Variants in IK observed in about 807,000 individuals in gnomAD.
The protein encoded by IK is protein Red.
Under a neutral mutation model 90.9 loss-of-function variants are expected in IK, and 47 were observed. The observed-to-expected ratio is 0.52, with a 90% CI of 0.41 to 0.66. The LOEUF is 0.66. IK is among the 30% of genes least tolerant of loss of function. The probability of loss-of-function intolerance (pLI) is 0.00; values close to 1 mark genes in which losing one functional copy is unlikely to be tolerated. For missense variants in IK, 385 were observed against 709.3 expected (o/e 0.54, Z 5.19); for synonymous variants, 201 against 227.5 (o/e 0.88, Z 1.05).
At chr5:140,654,858 C>A (rs1757680020) in intron 8 of IK, 131 bp downstream of exon 8, 1 of 693,060 alleles carries the variant, frequency 1.4e-6, no homozygotes, top group African/African-American at 1.8e-5. Flanking sequence ...GACAGTGTCT[C>A]ACTTAATCGC....
rs572003148 is a variant in IK at position 140,660,859 on chromosome 5, T to C, written c.1413+44T>C. On this transcript the variant is annotated intron_variant, in intron 16 of 19. Transcript: ENST00000417647. ...GGTGGGCGCCTTTGGGCAGTTATTA[T>C]TTGTTTTACATGTATCTCCTTCCCC... 4.9e-5 allele frequency: 72 copies of C among 1,481,522 alleles called. No individual in the cohort carries two copies. The South Asian group carries it at 7.5e-4, about 15-fold the overall frequency. 91.8% of individuals were successfully genotyped at this position (1,481,522 alleles called of 1,614,324 possible).
At position 140,661,582 on chromosome 5, in the gene IK, C is replaced by A. The variant is rs760171425; in HGVS notation, c.1414-38C>A. Reference sequence around the variant, plus strand: ...GCTGAAATTCCATTTCCACTGACATCTCTTCCTTCCCCATCCCCCGATTCT... The same window carrying A: ...GCTGAAATTCCATTTCCACTGACATATCTTCCTTCCCCATCCCCCGATTCT... On this transcript the variant is annotated intron_variant, in intron 16 of 19. Coordinates refer to ENST00000417647, the MANE Select transcript of IK (RefSeq NM_006083.4). This position sits in a 1 kb window ranked among gnomAD's most constrained non-coding sequence, Gnocchi z 4.2. The A allele has an allele frequency of 1.4e-6, 2 of 1,426,314 alleles. No homozygotes were observed. The highest frequency in any genetic ancestry group is 2.8e-5 in the African/African-American group (2 of 70,900). The allele number at this position is 1,426,314 out of a possible 1,614,324, so 88.4% of individuals were successfully genotyped here.
chr5:140,659,474 G>C, intron 13 of IK, 141 bp downstream of exon 13: 2 of 907,688 alleles, frequency 2.2e-6, no homozygotes, highest in East Asian at 2.5e-5. Flanking sequence ...TATTGAATAG[G>C]TGGAGTTCCC....
chr5:140,662,374 C>T lies in IK; in HGVS notation c.*45C>T, dbSNP rs775159531. On this transcript the variant is annotated 3_prime_UTR_variant, in exon 20 of 20. Coordinates refer to ENST00000417647, the MANE Select transcript of IK (RefSeq NM_006083.4). ...ATGCTCCACAAGGATATGCTCCCCACTGTTTTCTTTCTACAATTTCCAAAG... is the reference window on the plus strand; with the variant it reads ...ATGCTCCACAAGGATATGCTCCCCATTGTTTTCTTTCTACAATTTCCAAAG... 1.5e-5 allele frequency: 24 copies of T among 1,600,136 alleles called. No individual in the cohort carries two copies. The highest frequency in any genetic ancestry group is 8.3e-5 in the Admixed American group (5 of 59,902).
rs1561968018 is a variant in IK at position 140,647,890 on chromosome 5, GC to G, written c.-18del. On this transcript the variant is annotated 5_prime_UTR_variant, in exon 1 of 20. Coordinates refer to ENST00000417647, the MANE Select transcript of IK (RefSeq NM_006083.4). Reference sequence around the variant, plus strand: ...GTTGGAGACTCGATTGTTGGTGACAGCGAAAGAACGATAACAAAATGCCGGA... The same window carrying G: ...GTTGGAGACTCGATTGTTGGTGACAGGAAAGAACGATAACAAAATGCCGGA... The G allele has an allele frequency of 6.2e-7, 1 of 1,613,954 alleles. No individual in the cohort carries two copies. Among genetic ancestry groups the G allele is most frequent in the East Asian group, 2.2e-5 (1 of 44,876 alleles).
chr5:140,660,288 A>AATTATTTTTTTT, intron 15 of IK, 93 bp downstream of exon 15: 1 of 398,160 alleles, frequency 2.5e-6, no homozygotes, highest in Non-Finnish European at 4.1e-6. Flanking sequence ...TCCCAGGGCT[A>AATTATTTTTTTT]CTTCTTTTTT....
intron 2 of IK, chr5:140,649,083 C>G (rs1002752155): frequency 2.6e-5 from 4 of 156,330 alleles, no homozygotes; most frequent in African/African-American, 9.7e-5. Context: ...GTGATCCACC[C>G]GCCTCTGCCT....
chr5:140,650,734 G>A (rs1274640717), intron 2 of IK, among the ~76,000 whole-genome samples: 2 of 151,916 alleles, frequency 1.3e-5, no homozygotes, highest in African/African-American at 2.4e-5. Flanking sequence ...CCACCACAAC[G>A]CCCAGCTAAT....
intron 3 of IK, 119 bp from the exon 4 acceptor site, chr5:140,651,969 A>C (rs1757623109): frequency 1.1e-6 from 1 of 883,940 alleles, no homozygotes; most frequent in Non-Finnish European, 1.9e-6. Flanking sequence ...TTTCTGCTTG[A>C]TTGAAAGTGT....
In IK at chr5:140,659,934, C is replaced by A; in HGVS notation, c.1274+100C>A. ...TCCCTCCTACCCTGCCCCTCTCCTTCCCTTTTACGCTGAATTTTGACAGAA... is the reference window on the plus strand; with the variant it reads ...TCCCTCCTACCCTGCCCCTCTCCTTACCTTTTACGCTGAATTTTGACAGAA... On this transcript the variant is annotated intron_variant, in intron 14 of 19. Coordinates refer to ENST00000417647, the MANE Select transcript of IK (RefSeq NM_006083.4). 3 of 974,210 alleles carry A rather than the reference C, an allele frequency of 3.1e-6. No homozygotes were observed. In the South Asian group the frequency reaches 4.2e-5, roughly 14 times the overall value. 60.3% of individuals were successfully genotyped at this position (974,210 alleles called of 1,614,324 possible). A position where few individuals can be genotyped will look rare whatever the true frequency, so the allele number is the denominator to read the frequency against.
chr5:140,659,404 G>A, intron 13 of IK, 71 bp downstream of exon 13: 2 of 1,551,244 alleles, frequency 1.3e-6, no homozygotes, highest in East Asian at 2.2e-5. Flanking sequence ...CTCAGAGCTG[G>A]CAACGGTGGG....
chr5:140,657,429 C>A, intron 9 of IK, 125 bp from the exon 10 acceptor site: 1 of 641,774 alleles, frequency 1.6e-6, no homozygotes, highest in South Asian at 2.1e-5. Flanking sequence ...CCTTTCACAG[C>A]ACTTCGTTTC....
chr5:140,651,162 G>A (rs1045528690), intron 2 of IK, among the ~76,000 whole-genome samples: 3 of 152,134 alleles, frequency 2.0e-5, no homozygotes, highest in African/African-American at 7.2e-5. Context: ...AAGTGGCATG[G>A]CATATCTGGT....
rs778597 is a variant in IK at position 140,661,080 on chromosome 5, G to A, written c.1413+265G>A. 176,643 of 413,868 alleles carry A rather than the reference G, an allele frequency of 0.43. 38,756 individuals are homozygous for A. The highest frequency in any genetic ancestry group is 0.48 in the East Asian group (13,089 of 27,390). The allele number at this position is 413,868 out of a possible 1,614,324, so 25.6% of individuals were successfully genotyped here. A position where few individuals can be genotyped will look rare whatever the true frequency, so the allele number is the denominator to read the frequency against. ...CTTTGATTCCCATGGTAGGCAGTAAGCAAGCATCAATGCATAAGTAGAAAG... is the reference window on the plus strand; with the variant it reads ...CTTTGATTCCCATGGTAGGCAGTAAACAAGCATCAATGCATAAGTAGAAAG... On this transcript the variant is annotated intron_variant, in intron 16 of 19. Transcript: ENST00000417647. The surrounding 1 kb of genome is among the most constrained non-coding windows in gnomAD (Gnocchi z 4.2).
At chr5:140,648,007 G>GGGGT (rs1757510551) in intron 1 of IK, 83 bp downstream of exon 1, 6 of 931,448 alleles carry the variant, frequency 6.4e-6, no homozygotes, top group African/African-American at 3.5e-5. Context: ...GCTTAAGCCG[G>GGGGT]GTGTGTGTGT....
At chr5:140,650,051 A>G (rs1757588256) in intron 2 of IK, among the ~76,000 whole-genome samples, 1 of 152,132 alleles carries the variant, frequency 6.6e-6, no homozygotes, top group Non-Finnish European at 1.5e-5. Flanking sequence ...CAGGTTCCCC[A>G]AAGAGTCCCA....
At position 140,662,437 on chromosome 5, in the gene IK, T is replaced by C; in HGVS notation, c.*108T>C. The stretch of plus-strand genomic sequence containing the variant: ...TTTTTTGTGGATGAATATAAAATTT[T>C]ATTGTGTAATTACTTGGTTCCATTA... On this transcript the variant is annotated 3_prime_UTR_variant, in exon 20 of 20. Coordinates refer to ENST00000417647, the MANE Select transcript of IK (RefSeq NM_006083.4). 1 of 1,201,856 alleles carries C rather than the reference T, an allele frequency of 8.3e-7. No individual in the cohort carries two copies. The highest frequency in any genetic ancestry group is 1.2e-6 in the Non-Finnish European group (1 of 815,138). The allele number at this position is 1,201,856 out of a possible 1,614,324, so 74.4% of individuals were successfully genotyped here. A position where few individuals can be genotyped will look rare whatever the true frequency, so the allele number is the denominator to read the frequency against.
At chr5:140,660,292 CTTTT>C (rs200714869) in intron 15 of IK, 97 bp downstream of exon 15, 55,399 of 276,488 alleles carry the variant, frequency 0.2, 1,886 homozygotes, top group East Asian at 0.27. Flanking sequence ...AGGGCTACTT[CTTTT>C]TTTTTTTTTT....
At position 140,661,658 on chromosome 5, in the gene IK, T is replaced by A. The variant is rs751608243; in HGVS notation, c.1452T>A (p.Asp484Glu). Residue 484 changes from aspartate (D) to glutamate (E), a missense_variant, in exon 17 of 20, where the codon GAT becomes GAA. Transcript: ENST00000417647. The surrounding 1 kb of genome is among the most constrained non-coding windows in gnomAD (Gnocchi z 4.2). The stretch of plus-strand genomic sequence containing the variant: ...GGCCCTTAGGCCGTTGGGACTTTGA[T>A]ACCCAGGAAGAATACAGCGAGTATA... ...KKGPLGRWDF[D>E]TQEEYSEYMN... 1.2e-6 allele frequency: 2 copies of A among 1,610,904 alleles called. No homozygotes were observed. Among genetic ancestry groups the A allele is most frequent in the Non-Finnish European group, 1.7e-6 (2 of 1,178,558 alleles).
Sources: allele counts gnomAD v4.1 joint callset (sites outside exome capture counted in the v4.1 genomes callset), GRCh38; gene constraint gnomAD v4.1.1; non-coding constraint Gnocchi (gnomAD v3.1); transcripts MANE v1.5; gene names NCBI Gene and HGNC (gene_info 2026-07-23, HGNC 2026-07-21).